Variants in DNAH11 observed in about 807,000 individuals in gnomAD.
The protein encoded by DNAH11 is axonemal beta dynein heavy chain 11.
DNAH11 carries 442 observed loss-of-function variants against 526.0 expected under a neutral mutation model. That is an observed-to-expected ratio of 0.84 (90% confidence interval 0.78 to 0.91). DNAH11 has a LOEUF of 0.91. Among genes scored for constraint, DNAH11 ranks in the 40% least tolerant of loss-of-function variants. The pLI is 0.00. For synonymous variants in DNAH11, 2,461 were observed against 1,935.9 expected, an observed-to-expected ratio of 1.27 and a Z score of -7.12; for missense variants, 6,989 against 5,448.7, an observed-to-expected ratio of 1.28 and a Z score of -8.90.
chr7:21,690,001 T>C (rs1432810911), intron 34 of DNAH11, among the ~76,000 whole-genome samples: 1 of 152,214 alleles, frequency 6.6e-6, no homozygotes, highest in Non-Finnish European at 1.5e-5. Flanking sequence ...CCAACGCAAA[T>C]CTTTCACTGT....
At chr7:21,559,064 C>A in intron 3 of DNAH11, 66 bp downstream of exon 3, 2 of 1,372,026 alleles carry the variant, frequency 1.5e-6, no homozygotes, top group East Asian at 2.6e-5. Context: ...GTGGCTCATG[C>A]CTATAATCCC....
At chr7:21,676,352 T>G (rs1782883994) in intron 30 of DNAH11, among the ~76,000 whole-genome samples, 1 of 152,184 alleles carries the variant, frequency 6.6e-6, no homozygotes, top group Non-Finnish European at 1.5e-5. Context: ...AGGATATATT[T>G]TCTTAAAGCT....
chr7:21,753,731 A>G (rs1022425850), intron 54 of DNAH11, among the ~76,000 whole-genome samples: 1 of 152,122 alleles, frequency 6.6e-6, no homozygotes, highest in African/African-American at 2.4e-5. Context: ...GTAAAGCTTT[A>G]TCATTTATTT....
rs945089058 is a variant in DNAH11 at position 21,648,587 on chromosome 7, A to T, written c.4945-7245A>T. ...CACCGATCACCAGCAGGCTACAAAT[A>T]TGTGGGACAGCCCAGCTGGACTAGC... On this transcript the variant is annotated intron_variant, in intron 28 of 81. Coordinates refer to ENST00000409508, the MANE Select transcript of DNAH11 (RefSeq NM_001277115.2). Among the ~76,000 whole-genome samples the T allele has an allele frequency of 2.0e-5, 3 of 152,138 alleles. No individual in the cohort carries two copies. In the East Asian group the frequency reaches 5.8e-4, roughly 29 times the overall value.
chr7:21,559,385 G>A (rs2128431085), intron 3 of DNAH11, among the ~76,000 whole-genome samples: 1 of 152,270 alleles, frequency 6.6e-6, no homozygotes, highest in Non-Finnish European at 1.5e-5. Context: ...AATAGTTTTT[G>A]AGGATATAAT....
At position 21,758,048 on chromosome 7, in the gene DNAH11, A is replaced by G. The variant is rs571219631; in HGVS notation, c.8941-7380A>G. ...CGACGGCTTCATCCATGAGAGAGGCACTCTTCACCCCTCCTGCAGCACATT... is the reference window on the plus strand; with the variant it reads ...CGACGGCTTCATCCATGAGAGAGGCGCTCTTCACCCCTCCTGCAGCACATT... On this transcript the variant is annotated intron_variant, in intron 54 of 81. Transcript: ENST00000409508. Among the ~76,000 whole-genome samples, 355 of 152,208 alleles carry G rather than the reference A, an allele frequency of 2.3e-3. 2 individuals are homozygous for G. Among genetic ancestry groups the G allele is most frequent in the Non-Finnish European group, 3.6e-3 (248 of 68,002 alleles).
At chr7:21,546,967 G>A (rs188703553) in intron 2 of DNAH11, among the ~76,000 whole-genome samples, 25 of 152,272 alleles carry the variant, frequency 1.6e-4, no homozygotes, top group Admixed American at 1.6e-3. Context: ...CCACAGCAAA[G>A]GCACACTTGC....
intron 42 of DNAH11, among the ~76,000 whole-genome samples, chr7:21,716,715 C>G (rs111245283): frequency 1.3e-5 from 2 of 152,154 alleles, no homozygotes; most frequent in African/African-American, 4.8e-5. Flanking sequence ...TTCCGCGGTT[C>G]CCACTGTCGC....
intron 61 of DNAH11, among the ~76,000 whole-genome samples, chr7:21,798,500 A>G (rs1010458481): frequency 1.3e-5 from 2 of 152,202 alleles, no homozygotes; most frequent in African/African-American, 4.8e-5. Flanking sequence ...TCTCTTCACA[A>G]CTGGAACTTC....
At chr7:21,665,684 T>C (rs1452624811) in intron 30 of DNAH11, among the ~76,000 whole-genome samples, 1 of 152,142 alleles carries the variant, frequency 6.6e-6, no homozygotes, top group Admixed American at 6.6e-5. Flanking sequence ...GTGCTTCTTT[T>C]TTCATGTTGG....
chr7:21,642,347 GC>G (rs1787167427), intron 28 of DNAH11, among the ~76,000 whole-genome samples: 1 of 152,172 alleles, frequency 6.6e-6, no homozygotes, highest in Non-Finnish European at 1.5e-5. Context: ...GTCATCTAGA[GC>G]CATAGTCGGC....
chr7:21,749,761 T>A lies in DNAH11; in HGVS notation c.8757T>A (p.Asp2919Glu). Residue 2919 changes from aspartate to glutamate, a missense_variant, in exon 53 of 82, where the codon GAT becomes GAA. Physicochemically the swap from Asp to Glu is conservative, Grantham distance 45. Coordinates refer to ENST00000409508, the MANE Select transcript of DNAH11 (RefSeq NM_001277115.2). ...TGCTGACAGATGCCCAGGTTCTAGA[T>A]GAGAGCTTCCTCGTGCTGATTAATG... ...VFLLTDAQVL[D>E]ESFLVLINDL... 1 of 1,614,022 alleles carries A rather than the reference T, an allele frequency of 6.2e-7. No homozygotes were observed. The highest frequency in any genetic ancestry group is 1.3e-5 in the African/African-American group (1 of 75,060).
At chr7:21,794,233 C>A (rs1035663311) in intron 61 of DNAH11, among the ~76,000 whole-genome samples, 1 of 152,186 alleles carries the variant, frequency 6.6e-6, no homozygotes, top group Non-Finnish European at 1.5e-5. Context: ...ATCATCATCT[C>A]ATTAGAGTTG....
Position 21,861,878 on chromosome 7 carries a change from C to A in DNAH11, c.11228C>A (p.Ala3743Glu). 6.2e-7 allele frequency: 1 copy of A among 1,612,968 alleles called. No individual in the cohort carries two copies. Among genetic ancestry groups the A allele is most frequent in the Admixed American group, 1.7e-5 (1 of 59,884 alleles). Residue 3743 changes from alanine to glutamate, a missense_variant, in exon 69 of 82, where the codon GCG becomes GAG. Transcript: ENST00000409508. The stretch of plus-strand genomic sequence containing the variant: ...GCTTTTAACGTGCTGTTCCACAGAG[C>A]GATCGAGCAGGCTGACAAGGTGGAA... ...LKAFNVLFHR[A>E]IEQADKVEDM... is the part of the protein sequence containing the mutation.
chr7:21,551,693 A>G (rs1338858405), intron 2 of DNAH11, among the ~76,000 whole-genome samples: 1 of 152,184 alleles, frequency 6.6e-6, no homozygotes, highest in East Asian at 1.9e-4. Flanking sequence ...GGGACGACCT[A>G]TCCACAAATA....
In DNAH11 at chr7:21,690,830, C is replaced by T. The variant is rs752331761; in HGVS notation, c.5990C>T (p.Pro1997Leu). 16 of 1,612,456 alleles carry T rather than the reference C, an allele frequency of 9.9e-6. No individual in the cohort carries two copies. The highest frequency in any genetic ancestry group is 4.0e-5 in the African/African-American group (3 of 74,836). The change falls in exon 35 of 82, where the codon CCG (proline) becomes CTG (leucine). Residue 1997 changes from proline to leucine, a missense_variant. Physicochemically the swap from Pro to Leu is moderately conservative, Grantham distance 98 (BLOSUM62 -3). Coordinates refer to ENST00000409508, the MANE Select transcript of DNAH11 (RefSeq NM_001277115.2). The stretch of plus-strand genomic sequence containing the variant: ...GTTGGAATATTTATTACTATGAACC[C>T]GGGTTATGCTGGTCGAACCGAATTA... ...PSVGIFITMN[P>L]GYAGRTELPE...
chr7:21,561,077 G>A lies in DNAH11; in HGVS notation c.889G>A (p.Ala297Thr). ...TTTTTTTCCTTTAACTTAGCTTCAG[G>A]CACCTGTTGTCCTCAAAATGGTTAA... ...NLSCIYDQLQ[A>T]PVVLKMVKIL... Residue 297 changes from alanine (A) to threonine (T), a missense_variant, in exon 5 of 82, where the codon GCA becomes ACA. Coordinates refer to ENST00000409508, the MANE Select transcript of DNAH11 (RefSeq NM_001277115.2). 6.3e-7 allele frequency: 1 copy of A among 1,593,254 alleles called. No homozygotes were observed. Among genetic ancestry groups the A allele is most frequent in the Non-Finnish European group, 8.6e-7 (1 of 1,169,380 alleles).
chr7:21,838,665 C>A (rs902753136), intron 65 of DNAH11, among the ~76,000 whole-genome samples: 1 of 152,068 alleles, frequency 6.6e-6, no homozygotes, highest in African/African-American at 2.4e-5. Context: ...TAGGTCGGTG[C>A]AAAAGTAATT....
rs1390462705 is a variant in DNAH11 at position 21,570,177 on chromosome 7, T to A, written c.1303T>A (p.Phe435Ile). The A allele has an allele frequency of 3.7e-6, 6 of 1,613,376 alleles. No homozygotes were observed. Among genetic ancestry groups the A allele is most frequent in the African/African-American group, 1.3e-5 (1 of 74,906 alleles). ...NILKTFKNSF[F>I]NYRKKLASYF... is the part of the protein sequence containing the mutation. ...CTTAAAGACTTTCAAAAACTCCTTTTTCAACTATAGAAAAAAATTGGCAAG... is the reference window on the plus strand; with the variant it reads ...CTTAAAGACTTTCAAAAACTCCTTTATCAACTATAGAAAAAAATTGGCAAG... Residue 435 changes from phenylalanine to isoleucine, a missense_variant, in exon 7 of 82, where the codon TTC becomes ATC. Physicochemically the swap from Phe to Ile is conservative, Grantham distance 21 (BLOSUM62 0). Coordinates refer to ENST00000409508, the MANE Select transcript of DNAH11 (RefSeq NM_001277115.2).
Sources: allele counts gnomAD v4.1 joint callset (sites outside exome capture counted in the v4.1 genomes callset), GRCh38; gene constraint gnomAD v4.1.1; transcripts MANE v1.5; gene names NCBI Gene and HGNC (gene_info 2026-07-23, HGNC 2026-07-21).